DHRS3: variants seen among roughly 807,000 people sequenced by gnomAD.
The protein encoded by DHRS3 is dehydrogenase/reductase 3.
In DHRS3, 14 loss-of-function variants were observed where a neutral mutation model predicts 27.2. That is an observed-to-expected ratio of 0.52 (90% confidence interval 0.34 to 0.81). DHRS3 has a LOEUF of 0.81. DHRS3 is among the 30% of genes least tolerant of loss of function. The pLI, the probability that DHRS3 is intolerant of heterozygous loss-of-function variation, is 0.01. For missense variants in DHRS3, 322 were observed against 406.2 expected (o/e 0.79, Z 1.78); for synonymous variants, 165 against 175.9 (o/e 0.94, Z 0.49).
rs145407171 is a variant in DHRS3, at chr1:12,594,617, G to C, written c.196-13951C>G. 1.9e-3 allele frequency among the ~76,000 whole-genome samples: 285 copies of C among 152,210 alleles called. 1 individual carries two copies. Among genetic ancestry groups the C allele is most frequent in the African/African-American group, 6.6e-3 (274 of 41,516 alleles). On this transcript the variant is annotated intron_variant, in intron 1 of 5. Transcript: ENST00000616661. The surrounding 1 kb of genome is among the most constrained non-coding windows in gnomAD (Gnocchi z 4.1). The stretch of plus-strand genomic sequence containing the variant: ...ATTTTGGAAGAGACCTGAGGGAAGT[G>C]AAGGAGGGAGCGATACAGACGCGTG...
chr1:12,569,317 A>G (rs895474493), intron 5 of DHRS3, among the ~76,000 whole-genome samples: 1 of 151,268 alleles, frequency 6.6e-6, no homozygotes, highest in Non-Finnish European at 1.5e-5. Flanking sequence ...GGTCAGAGCA[A>G]ACTTTTTTTT....
chr1:12,600,186 A>T (rs1646825458), intron 1 of DHRS3, among the ~76,000 whole-genome samples: 1 of 152,052 alleles, frequency 6.6e-6, no homozygotes, highest in South Asian at 2.1e-4. Flanking sequence ...TTGTGAAAGA[A>T]AGAACCGCAC....
At chr1:12,568,510 G>T (rs1165372389) in intron 5 of DHRS3, 86 bp from the exon 6 acceptor site, 10 of 1,283,376 alleles carry the variant, frequency 7.8e-6, no homozygotes, top group Non-Finnish European at 1.0e-5. Flanking sequence ...GTGAGACGGG[G>T]CAGCAGAGGG....
intron 5 of DHRS3, among the ~76,000 whole-genome samples, chr1:12,569,652 G>C (rs1178533698): frequency 1.3e-5 from 2 of 152,146 alleles, no homozygotes; most frequent in African/African-American, 4.8e-5. Flanking sequence ...TGCAACCTCT[G>C]CTTCCTGGGT....
At chr1:12,602,168 C>A (rs1433079163) in intron 1 of DHRS3, among the ~76,000 whole-genome samples, 1 of 116,732 alleles carries the variant, frequency 8.6e-6, no homozygotes, top group Non-Finnish European at 2.0e-5. Context: ...ACGCAGAGAT[C>A]AAAATGACTA....
intron 1 of DHRS3, among the ~76,000 whole-genome samples, chr1:12,616,280 T>C (rs1646943831): frequency 6.6e-6 from 1 of 152,140 alleles, no homozygotes; most frequent in Admixed American, 6.5e-5. Context: ...CTGGCCTGCC[T>C]CCCTCTCCTG....
At chr1:12,577,653 C>T (rs1485883056) in intron 4 of DHRS3, among the ~76,000 whole-genome samples, 4 of 152,074 alleles carry the variant, frequency 2.6e-5, no homozygotes, top group South Asian at 2.1e-4. Flanking sequence ...AGTGAAACCC[C>T]GTCTGTATTA....
At chr1:12,610,909 G>T (rs1379024478) in intron 1 of DHRS3, among the ~76,000 whole-genome samples, 1 of 152,158 alleles carries the variant, frequency 6.6e-6, no homozygotes, top group Non-Finnish European at 1.5e-5. Context: ...GAACGTGTAG[G>T]GTGTGGGACC....
At chr1:12,579,181 G>A (rs777835341) in intron 3 of DHRS3, 112 bp downstream of exon 3, 41 of 1,559,556 alleles carry the variant, frequency 2.6e-5, no homozygotes, top group East Asian at 1.4e-4. Flanking sequence ...CACCTTGTTC[G>A]TGGACATCCC....
chr1:12,601,167 T>G (rs13376289), intron 1 of DHRS3, among the ~76,000 whole-genome samples: 120,100 of 151,708 alleles, frequency 0.79, 47,917 homozygotes, highest in East Asian at 0.93. Context: ...TCCTGCTCAT[T>G]GTATCCCCCC....
intron 1 of DHRS3, among the ~76,000 whole-genome samples, chr1:12,603,769 C>T (rs4846127): frequency 0.45 from 67,916 of 152,122 alleles, 16,108 homozygotes; most frequent in South Asian, 0.55. Context: ...AGGCCACATT[C>T]CTTGAAGTAG....
rs777102271 is a variant in DHRS3 at position 12,617,161 on chromosome 1, G to A, written c.188C>T (p.Ala63Val). ...AGTCGCAGTGCCTGGTACCTTTCTGGCGCCGCGCTCCGCGAACTCGCGGGC... is the reference window on the plus strand; with the variant it reads ...AGTCGCAGTGCCTGGTACCTTTCTGACGCCGCGCTCCGCGAACTCGCGGGC... ...QLAREFAERG[A>V]RKIVLWGRTE... Residue 63 changes from alanine (A) to valine (V), a missense_variant, in exon 1 of 6, where the codon GCC (alanine) becomes GTC (valine). By Grantham distance (64) the Ala-to-Val change is moderately conservative. Coordinates refer to ENST00000616661, the MANE Select transcript of DHRS3 (RefSeq NM_004753.7). 1.2e-6 allele frequency: 2 copies of A among 1,611,270 alleles called. No homozygotes were observed. The highest frequency in any genetic ancestry group is 2.2e-5 in the South Asian group (2 of 90,980).
Position 12,608,253 on chromosome 1 carries a change from G to A in DHRS3, c.195+8901C>T, listed in dbSNP as rs952340128. On this transcript the variant is annotated intron_variant, in intron 1 of 5. Coordinates refer to ENST00000616661, the MANE Select transcript of DHRS3 (RefSeq NM_004753.7). The surrounding 1 kb of genome is among the most constrained non-coding windows in gnomAD (Gnocchi z 4.1). ...TCCCCTTGTATATTACCACAGTCAC[G>A]TATATTACCAATCGTGTATGGTACC... Among the ~76,000 whole-genome samples the A allele has an allele frequency of 2.0e-5, 3 of 152,000 alleles. No individual in the cohort carries two copies. The highest frequency in any genetic ancestry group is 2.1e-4 in the South Asian group (1 of 4,808).
chr1:12,580,120 T>G, intron 2 of DHRS3: 1 of 306,230 alleles, frequency 3.3e-6, no homozygotes, highest in Admixed American at 4.7e-5. Flanking sequence ...AATAAATGAG[T>G]TTACTGCGAC....
chr1:12,615,562 G>A (rs962137457), intron 1 of DHRS3, among the ~76,000 whole-genome samples: 1 of 152,076 alleles, frequency 6.6e-6, no homozygotes, highest in Non-Finnish European at 1.5e-5. Context: ...TTCCTCATCT[G>A]CCTACTGTAG....
rs1438642784 is a variant in DHRS3, at chr1:12,578,173, T to A, written c.698+545A>T. Among the ~76,000 whole-genome samples the A allele has an allele frequency of 6.6e-6, 1 of 152,180 alleles. No homozygotes were observed. Among genetic ancestry groups the A allele is most frequent in the African/African-American group, 2.4e-5 (1 of 41,438 alleles). ...CTCCCTCATTTGACCTTTAGACACA[T>A]CCCGCTGCATGCCTGTAGCTCTGGT... On this transcript the variant is annotated intron_variant, in intron 4 of 5. Coordinates refer to ENST00000616661, the MANE Select transcript of DHRS3 (RefSeq NM_004753.7). This position sits in a 1 kb window ranked among gnomAD's most constrained non-coding sequence, Gnocchi z 4.5.
chr1:12,600,325 C>T (rs190754746), intron 1 of DHRS3: 10 of 984,980 alleles, frequency 1.0e-5, no homozygotes, highest in Non-Finnish European at 9.6e-6. Flanking sequence ...GAGGTGTGAG[C>T]CCTCGGAGGG....
At position 12,616,737 on chromosome 1, in the gene DHRS3, G is replaced by A. The variant is rs376756960; in HGVS notation, c.195+417C>T. ...GGTAGCGGGTTGCCAAGGAAAATAC[G>A]AGGCGCCAGCTAGCAGGCGGCTCCC... On this transcript the variant is annotated intron_variant, in intron 1 of 5. Coordinates refer to ENST00000616661, the MANE Select transcript of DHRS3 (RefSeq NM_004753.7). The A allele has an allele frequency of 1.1e-5, 11 of 1,011,338 alleles. No individual in the cohort carries two copies. The East Asian group carries it at 4.2e-4, about 38-fold the overall frequency. The allele number at this position is 1,011,338 out of a possible 1,614,324, so 62.6% of individuals were successfully genotyped here.
At chr1:12,600,745 C>T (rs558239513) in intron 1 of DHRS3, among the ~76,000 whole-genome samples, 15 of 152,290 alleles carry the variant, frequency 9.8e-5, no homozygotes, top group African/African-American at 3.1e-4. Flanking sequence ...GCTGGCCTCT[C>T]GCACCTGTGA....
Sources: allele counts gnomAD v4.1 joint callset (sites outside exome capture counted in the v4.1 genomes callset), GRCh38; gene constraint gnomAD v4.1.1; non-coding constraint Gnocchi (gnomAD v3.1); transcripts MANE v1.5; gene names NCBI Gene and HGNC (gene_info 2026-07-23, HGNC 2026-07-21).